TIGD5: variants seen among roughly 807,000 people sequenced by gnomAD.
The protein encoded by TIGD5 is tigger transposable element derived 5.
In TIGD5, 24 loss-of-function variants were observed where a neutral mutation model predicts 28.8. That is an observed-to-expected ratio of 0.83 (90% CI 0.60 to 1.17). The LOEUF (loss-of-function observed/expected upper bound fraction) is 1.17. TIGD5 is among the 50% of genes most tolerant of loss of function. The pLI, the probability that TIGD5 is intolerant of heterozygous loss-of-function variation, is 0.00. For missense variants in TIGD5, 922 were observed against 911.4 expected (o/e 1.01, Z -0.15); for synonymous variants, 538 against 430.5 (o/e 1.25, Z -3.09).
In TIGD5 at chr8:143,600,365, C is replaced by T. The variant is rs745325244; in HGVS notation, c.*533C>T. ...GGGGCCGGGTGGGCTGGTCTCGGGC[C>T]GCCCTGCGGTTTCTCTGGAGGTCAG... is the stretch of plus-strand genomic sequence containing the variant. On this transcript the variant is annotated 3_prime_UTR_variant, in exon 1 of 1. Transcript: ENST00000504548. 4.0e-4 allele frequency: 61 copies of T among 152,748 alleles called. No homozygotes were observed. Among genetic ancestry groups the T allele is most frequent in the Non-Finnish European group, 2.8e-4 (19 of 68,428 alleles). The allele number at this position is 152,748 out of a possible 1,614,324, so 9.5% of individuals were successfully genotyped here. A position where few individuals can be genotyped will look rare whatever the true frequency, so the allele number is the denominator to read the frequency against.
At position 143,599,352 on chromosome 8, in the gene TIGD5, T is replaced by G. The variant is rs371129163; in HGVS notation, c.1449T>G (p.Ala483=). The G allele has an allele frequency of 6.3e-6, 10 of 1,584,842 alleles. No individual in the cohort carries two copies. Among genetic ancestry groups the G allele is most frequent in the Non-Finnish European group, 7.7e-6 (9 of 1,166,886 alleles). The change falls in exon 1 of 1, where the codon GCT becomes GCG. Residue 483 remains alanine (A), a synonymous_variant. Transcript: ENST00000504548. ...GCTGCTGGCTGCTGGGCCTGCGGGC[T>G]GCCTTCGAGCCCCGGCCCGGCGAGG... ...IERCWLLGLR[A]AFEPRPGEDS...
At position 143,600,222 on chromosome 8, in the gene TIGD5, T is replaced by C. The variant is rs1829239040; in HGVS notation, c.*390T>C. 4.3e-6 allele frequency: 1 copy of C among 234,284 alleles called. No individual in the cohort carries two copies. The highest frequency in any genetic ancestry group is 8.2e-6 in the Non-Finnish European group (1 of 121,512). The allele number at this position is 234,284 out of a possible 1,614,324, so 14.5% of individuals were successfully genotyped here. The stretch of plus-strand genomic sequence containing the variant: ...TGTCTGCTATCGAGCCCTGGTGCTA[T>C]GTGGCCCCGGAGCCACAGCACAATC... On this transcript the variant is annotated 3_prime_UTR_variant, in exon 1 of 1. Coordinates refer to ENST00000504548, the MANE Select transcript of TIGD5 (RefSeq NM_032862.5).
chr8:143,599,844 C>T lies in TIGD5; in HGVS notation c.*12C>T, dbSNP rs1018721022. On this transcript the variant is annotated 3_prime_UTR_variant, in exon 1 of 1. Coordinates refer to ENST00000504548, the MANE Select transcript of TIGD5 (RefSeq NM_032862.5). ...ATGACGGTGTGTGACCAGGCCAGCCCAGTGACCTTTCTCCTGCTGCACTTG... is the reference window on the plus strand; with the variant it reads ...ATGACGGTGTGTGACCAGGCCAGCCTAGTGACCTTTCTCCTGCTGCACTTG... The T allele has an allele frequency of 4.3e-5, 62 of 1,456,788 alleles. No homozygotes were observed. Among genetic ancestry groups the T allele is most frequent in the Non-Finnish European group, 5.5e-5 (61 of 1,114,510 alleles). 90.2% of individuals were successfully genotyped at this position (1,456,788 alleles called of 1,614,324 possible).
In TIGD5 at chr8:143,599,086, C is replaced by T. The variant is rs756780354; in HGVS notation, c.1183C>T (p.Pro395Ser). Residue 395 changes from proline (P) to serine (S), a missense_variant, in exon 1 of 1, where the codon CCG becomes TCG. Physicochemically the swap from Pro to Ser is moderately conservative, Grantham distance 74. Around this residue, in one of 3 missense-constraint regions of TIGD5, gnomAD observed 821 missense variants for 815.2 expected, o/e 1.01. Coordinates refer to ENST00000504548, the MANE Select transcript of TIGD5 (RefSeq NM_032862.5). ...CGGTCCCCCGGAGGAGCTGCAGACA[C>T]CGGATGGCGCTGTGCGGGTGCTGTT... ...PLGPPEELQT[P>S]DGAVRVLFLS... 3.2e-6 allele frequency: 5 copies of T among 1,577,486 alleles called. No individual in the cohort carries two copies. Among genetic ancestry groups the T allele is most frequent in the African/African-American group, 1.3e-5 (1 of 74,312 alleles).
In TIGD5 at chr8:143,599,142, C is replaced by T. The variant is rs1829196930; in HGVS notation, c.1239C>T (p.Ile413=). The change falls in exon 1 of 1, where the codon ATC becomes ATT. Residue 413 remains isoleucine, a synonymous_variant. Coordinates refer to ENST00000504548, the MANE Select transcript of TIGD5 (RefSeq NM_032862.5). ...CCAAAGGCAGCAGCCGGGCACATAT[C>T]CCCGCACCGCTGGAGCAGGGCGTGG... is the stretch of plus-strand genomic sequence containing the variant. The part of the protein sequence containing the change: ...FLSKGSSRAH[I]PAPLEQGVVA... The T allele has an allele frequency of 6.3e-7, 1 of 1,599,074 alleles. No homozygotes were observed. Among genetic ancestry groups the T allele is most frequent in the Non-Finnish European group, 8.5e-7 (1 of 1,173,896 alleles).
chr8:143,599,999 C>T lies in TIGD5; in HGVS notation c.*167C>T, dbSNP rs754077462. On this transcript the variant is annotated 3_prime_UTR_variant, in exon 1 of 1. Coordinates refer to ENST00000504548, the MANE Select transcript of TIGD5 (RefSeq NM_032862.5). ...TGGAGGAGCTCTGTTGGTGAGAGGT[C>T]GCCCTGCCTCACTGGCACCCTGGGG... 1.0e-4 allele frequency: 73 copies of T among 718,544 alleles called. No individual in the cohort carries two copies. The highest frequency in any genetic ancestry group is 1.7e-4 in the East Asian group (5 of 30,006). 44.5% of individuals were successfully genotyped at this position (718,544 alleles called of 1,614,324 possible). A position where few individuals can be genotyped will look rare whatever the true frequency, so the allele number is the denominator to read the frequency against.
chr8:143,601,378 C>T lies in TIGD5; in HGVS notation c.*1546C>T, dbSNP rs1423122565. 2 of 152,252 alleles carry T rather than the reference C, an allele frequency of 1.3e-5. No homozygotes were observed. The highest frequency in any genetic ancestry group is 3.8e-4 in the East Asian group (2 of 5,196). 9.4% of individuals were successfully genotyped at this position (152,252 alleles called of 1,614,324 possible). A position where few individuals can be genotyped will look rare whatever the true frequency, so the allele number is the denominator to read the frequency against. On this transcript the variant is annotated 3_prime_UTR_variant, in exon 1 of 1. Transcript: ENST00000504548. ...GGCCACCGCCACCTGCAGGAAGAGC[C>T]TCTGGCCTGAACTGCTGGGGATGGG...
chr8:143,597,994 C>T lies in TIGD5; in HGVS notation c.91C>T (p.Pro31Ser), dbSNP rs1201932978. ...GPPAPAPAPV[P>S]AARPPPPAPG... is the part of the protein sequence containing the mutation. Reference sequence around the variant, plus strand: ...CCCCGCGCCCGCCCCAGCCCCCGTCCCCGCTGCACGGCCGCCGCCCCCCGC... The same window carrying T: ...CCCCGCGCCCGCCCCAGCCCCCGTCTCCGCTGCACGGCCGCCGCCCCCCGC... Residue 31 changes from proline (P) to serine (S), a missense_variant, in exon 1 of 1, where the codon CCC (proline) becomes TCC (serine). By Grantham distance (74) the Pro-to-Ser change is moderately conservative (BLOSUM62 -1). Coordinates refer to ENST00000504548, the MANE Select transcript of TIGD5 (RefSeq NM_032862.5). 2 of 1,179,236 alleles carry T rather than the reference C, an allele frequency of 1.7e-6. No homozygotes were observed. The highest frequency in any genetic ancestry group is 3.4e-5 in the South Asian group (1 of 29,356). The allele number at this position is 1,179,236 out of a possible 1,614,324, so 73.0% of individuals were successfully genotyped here. A position where few individuals can be genotyped will look rare whatever the true frequency, so the allele number is the denominator to read the frequency against.
rs1406579496 is a variant in TIGD5, at chr8:143,603,131, C to CT, written c.*3300dup. 6.6e-6 allele frequency: 1 copy of CT among 152,240 alleles called. No individual in the cohort carries two copies. Among genetic ancestry groups the CT allele is most frequent in the East Asian group, 1.9e-4 (1 of 5,194 alleles). The allele number at this position is 152,240 out of a possible 1,614,324, so 9.4% of individuals were successfully genotyped here. A position where few individuals can be genotyped will look rare whatever the true frequency, so the allele number is the denominator to read the frequency against. The stretch of plus-strand genomic sequence containing the variant: ...TCATGCTCTGTTGAGGGCCCTTCCT[C>CT]TAACTGGCGAGCTTGTTTACAGCTG... On this transcript the variant is annotated 3_prime_UTR_variant, in exon 1 of 1. Coordinates refer to ENST00000504548, the MANE Select transcript of TIGD5 (RefSeq NM_032862.5).
In TIGD5 at chr8:143,599,637, C is replaced by T. The variant is rs1829227054; in HGVS notation, c.1734C>T (p.Thr578=). 1.3e-6 allele frequency: 2 copies of T among 1,524,242 alleles called. No homozygotes were observed. The highest frequency in any genetic ancestry group is 1.8e-6 in the Non-Finnish European group (2 of 1,138,702). 94.4% of individuals were successfully genotyped at this position (1,524,242 alleles called of 1,614,324 possible). The change falls in exon 1 of 1, where the codon ACC becomes ACT. Residue 578 remains threonine (T), a synonymous_variant. Transcript: ENST00000504548. ...MGGGEDEEEA[T]DYGGTSVPTA... ...GCGGAGAGGACGAGGAGGAGGCCAC[C>T]GACTATGGAGGGACCTCAGTGCCGA... is the stretch of plus-strand genomic sequence containing the variant.
At position 143,598,454 on chromosome 8, in the gene TIGD5, A is replaced by G. The variant is rs1829146770; in HGVS notation, c.551A>G (p.Gln184Arg). The G allele has an allele frequency of 2.7e-6, 4 of 1,480,924 alleles. No individual in the cohort carries two copies. In the East Asian group the frequency reaches 1.1e-4, roughly 41 times the overall value. 91.7% of individuals were successfully genotyped at this position (1,480,924 alleles called of 1,614,324 possible). A position where few individuals can be genotyped will look rare whatever the true frequency, so the allele number is the denominator to read the frequency against. The change falls in exon 1 of 1, where the codon CAG (glutamine) becomes CGG (arginine). Residue 184 changes from glutamine to arginine, a missense_variant. By Grantham distance (43) the Gln-to-Arg change is conservative (BLOSUM62 1). Around this residue, in one of 3 missense-constraint regions of TIGD5, gnomAD observed 821 missense variants for 815.2 expected, o/e 1.01. Transcript: ENST00000504548. The surrounding 1 kb of genome is among the most constrained non-coding windows in gnomAD (Gnocchi z 6.6). Reference protein sequence around the residue: ...RWQKRHGISSQRFYGEAGPPA... With the variant: ...RWQKRHGISSRRFYGEAGPPA... Reference sequence around the variant, plus strand: ...CAGAAGCGCCACGGCATCTCCAGCCAGCGCTTCTACGGCGAGGCCGGGCCC... The same window carrying G: ...CAGAAGCGCCACGGCATCTCCAGCCGGCGCTTCTACGGCGAGGCCGGGCCC...
chr8:143,598,386 C>G lies in TIGD5; in HGVS notation c.483C>G (p.Pro161=), dbSNP rs769340330. The change falls in exon 1 of 1, where the codon CCC becomes CCG. Residue 161 remains proline, a synonymous_variant. Coordinates refer to ENST00000504548, the MANE Select transcript of TIGD5 (RefSeq NM_032862.5). This position sits in a 1 kb window ranked among gnomAD's most constrained non-coding sequence, Gnocchi z 6.6. The stretch of plus-strand genomic sequence containing the variant: ...CCTTCGCGCGCCAGATCTACGGGCC[C>G]GAGTGCACCTTCAAGGCCAGCCACG... ...AEAFARQIYG[P]ECTFKASHGW... 3.8e-6 allele frequency: 6 copies of G among 1,558,842 alleles called. No homozygotes were observed. In the South Asian group the frequency reaches 6.9e-5, roughly 18 times the overall value.
chr8:143,598,662 T>C lies in TIGD5; in HGVS notation c.759T>C (p.Ala253=). 2 of 1,499,974 alleles carry C rather than the reference T, an allele frequency of 1.3e-6. No individual in the cohort carries two copies. Among genetic ancestry groups the C allele is most frequent in the Non-Finnish European group, 1.8e-6 (2 of 1,135,512 alleles). 92.9% of individuals were successfully genotyped at this position (1,499,974 alleles called of 1,614,324 possible). ...ACTGGAAGCTGCTTCCGGAGCAGGCTGCGCCCCCGGGCGCAGGGGACCCCG... is the reference window on the plus strand; with the variant it reads ...ACTGGAAGCTGCTTCCGGAGCAGGCCGCGCCCCCGGGCGCAGGGGACCCCG... The part of the protein sequence containing the change: ...GLYWKLLPEQ[A]APPGAGDPGA... Residue 253 remains alanine, a synonymous_variant, in exon 1 of 1, where the codon GCT becomes GCC. Coordinates refer to ENST00000504548, the MANE Select transcript of TIGD5 (RefSeq NM_032862.5). The surrounding 1 kb of genome is among the most constrained non-coding windows in gnomAD (Gnocchi z 6.6).
chr8:143,599,394 G>T lies in TIGD5; in HGVS notation c.1491G>T (p.Pro497=), dbSNP rs35330772. The stretch of plus-strand genomic sequence containing the variant: ...CCGGCGAGGACAGTGCTGGGCAGCC[G>T]GCCCAGGCCGAGGAAGCCGCCGAGC... ...PRPGEDSAGQ[P]AQAEEAAEHS... is the part of the protein sequence containing the mutation. The change falls in exon 1 of 1, where the codon CCG becomes CCT. Residue 497 remains proline (P), a synonymous_variant. Transcript: ENST00000504548. 6.4e-7 allele frequency: 1 copy of T among 1,566,614 alleles called. No homozygotes were observed. Among genetic ancestry groups the T allele is most frequent in the Non-Finnish European group, 8.6e-7 (1 of 1,156,658 alleles).
chr8:143,597,983 C>A lies in TIGD5; in HGVS notation c.80C>A (p.Pro27Gln). Residue 27 changes from proline to glutamine, a missense_variant, in exon 1 of 1, where the codon CCA (proline) becomes CAA (glutamine). Physicochemically the swap from Pro to Gln is moderately conservative, Grantham distance 76. Coordinates refer to ENST00000504548, the MANE Select transcript of TIGD5 (RefSeq NM_032862.5). ...CTGCCCGGGCCCCCCGCGCCCGCCC[C>A]AGCCCCCGTCCCCGCTGCACGGCCG... Reference protein sequence around the residue: ...RPLPGPPAPAPAPVPAARPPP... With the variant: ...RPLPGPPAPAQAPVPAARPPP... 9.4e-7 allele frequency: 1 copy of A among 1,060,756 alleles called. No homozygotes were observed. Among genetic ancestry groups the A allele is most frequent in the Non-Finnish European group, 1.2e-6 (1 of 867,514 alleles). The allele number at this position is 1,060,756 out of a possible 1,614,324, so 65.7% of individuals were successfully genotyped here.
rs961576944 is a variant in TIGD5, at chr8:143,601,177, G to A, written c.*1345G>A. The A allele has an allele frequency of 6.6e-5, 10 of 152,168 alleles. No homozygotes were observed. Among genetic ancestry groups the A allele is most frequent in the African/African-American group, 2.4e-4 (10 of 41,430 alleles). 9.4% of individuals were successfully genotyped at this position (152,168 alleles called of 1,614,324 possible). On this transcript the variant is annotated 3_prime_UTR_variant, in exon 1 of 1. Transcript: ENST00000504548. ...AAAAGTGACCTTTATACAGGTCCAGGAACAAACAGTTCCTTGGAACTGCCC... is the reference window on the plus strand; with the variant it reads ...AAAAGTGACCTTTATACAGGTCCAGAAACAAACAGTTCCTTGGAACTGCCC...
In TIGD5 at chr8:143,598,788, G is replaced by A. The variant is rs904223439; in HGVS notation, c.885G>A (p.Gly295=). The stretch of plus-strand genomic sequence containing the variant: ...ACAAGCTGAAGCCGCTGGTCATCGG[G>A]CGGCTGCCGGACCCGCCCAGCCTGC... The part of the protein sequence containing the change: ...GSHKLKPLVI[G]RLPDPPSLRH... The change falls in exon 1 of 1, where the codon GGG becomes GGA. Residue 295 remains glycine, a synonymous_variant. Transcript: ENST00000504548. This position sits in a 1 kb window ranked among gnomAD's most constrained non-coding sequence, Gnocchi z 6.6. 1 of 1,598,122 alleles carries A rather than the reference G, an allele frequency of 6.3e-7. No homozygotes were observed. Among genetic ancestry groups the A allele is most frequent in the Non-Finnish European group, 8.5e-7 (1 of 1,178,618 alleles).
In TIGD5 at chr8:143,603,011, G is replaced by A; in HGVS notation, c.*3179G>A. On this transcript the variant is annotated 3_prime_UTR_variant, in exon 1 of 1. Coordinates refer to ENST00000504548, the MANE Select transcript of TIGD5 (RefSeq NM_032862.5). ...AGGAAGGGGAGCACCCCCAGACGGGGGGGTCCTGCAGAGACCCCAACCCCT... is the reference window on the plus strand; with the variant it reads ...AGGAAGGGGAGCACCCCCAGACGGGAGGGTCCTGCAGAGACCCCAACCCCT... 1 of 152,250 alleles carries A rather than the reference G, an allele frequency of 6.6e-6. No individual in the cohort carries two copies. The highest frequency in any genetic ancestry group is 1.5e-5 in the Non-Finnish European group (1 of 68,080). The allele number at this position is 152,250 out of a possible 1,614,324, so 9.4% of individuals were successfully genotyped here.
Position 143,602,909 on chromosome 8 carries a change from G to C in TIGD5, c.*3077G>C, listed in dbSNP as rs1363570409. On this transcript the variant is annotated 3_prime_UTR_variant, in exon 1 of 1. Transcript: ENST00000504548. ...TCAGGGGGACGAGGCCACTGCCTTG[G>C]CCCAAGGACCTGCAGGCTTGGGGGA... 1 of 152,304 alleles carries C rather than the reference G, an allele frequency of 6.6e-6. No individual in the cohort carries two copies. The highest frequency in any genetic ancestry group is 1.5e-5 in the Non-Finnish European group (1 of 68,078). 9.4% of individuals were successfully genotyped at this position (152,304 alleles called of 1,614,324 possible). A position where few individuals can be genotyped will look rare whatever the true frequency, so the allele number is the denominator to read the frequency against.
Sources: allele counts gnomAD v4.1 joint callset, GRCh38; gene constraint gnomAD v4.1.1; regional missense constraint gnomAD v4.1.1; non-coding constraint Gnocchi (gnomAD v3.1); transcripts MANE v1.5; gene names NCBI Gene and HGNC (gene_info 2026-07-23, HGNC 2026-07-21).